CLPB: variants seen among roughly 807,000 people sequenced by gnomAD.
The protein encoded by CLPB is ClpB family mitochondrial disaggregase.
In CLPB, 40 loss-of-function variants were observed where a neutral mutation model predicts 78.4. That is an observed-to-expected ratio of 0.51 (90% CI 0.40 to 0.66). CLPB has a LOEUF of 0.66. Among genes scored for constraint, CLPB ranks in the 30% least tolerant of loss-of-function variants. The probability of loss-of-function intolerance (pLI) is 0.00; values close to 1 mark genes in which losing one functional copy is unlikely to be tolerated. For synonymous variants in CLPB, 333 were observed against 348.0 expected, an observed-to-expected ratio of 0.96 and a Z score of 0.48; for missense variants, 780 against 886.9, an observed-to-expected ratio of 0.88 and a Z score of 1.53.
At chr11:72,389,515 T>C (rs1004819488) in intron 3 of CLPB, among the ~76,000 whole-genome samples, 4 of 152,060 alleles carry the variant, frequency 2.6e-5, no homozygotes, top group East Asian at 1.9e-4. Flanking sequence ...GTCTTAACAG[T>C]TGGATTAAAG....
intron 4 of CLPB, among the ~76,000 whole-genome samples, chr11:72,372,709 C>T (rs1270580748): frequency 6.6e-6 from 1 of 152,176 alleles, no homozygotes; most frequent in African/African-American, 2.4e-5. Flanking sequence ...TTAACAAGCT[C>T]TCTAGGGGAT....
intron 1 of CLPB, among the ~76,000 whole-genome samples, chr11:72,432,351 T>C (rs1337318809): frequency 6.6e-6 from 1 of 152,196 alleles, no homozygotes; most frequent in Non-Finnish European, 1.5e-5. Context: ...AAAGAGAAGA[T>C]ACATTTCCTG....
Position 72,351,147 on chromosome 11 carries a change from T to C in CLPB, c.775+7733A>G, listed in dbSNP as rs1239892932. 2.0e-5 allele frequency among the ~76,000 whole-genome samples: 3 copies of C among 152,158 alleles called. No homozygotes were observed. The South Asian group carries it at 6.2e-4, about 31-fold the overall frequency. On this transcript the variant is annotated intron_variant, in intron 5 of 15. Coordinates refer to ENST00000538039, the MANE Select transcript of CLPB (RefSeq NM_001258392.3). Reference sequence around the variant, plus strand: ...ATGTTAGAGAAGGGCCATGATTTTATAGAGGAAAAAAGTGATGTTAGAGAA... The same window carrying C: ...ATGTTAGAGAAGGGCCATGATTTTACAGAGGAAAAAAGTGATGTTAGAGAA...
At chr11:72,367,274 G>A (rs945421236) in intron 4 of CLPB, among the ~76,000 whole-genome samples, 19 of 152,184 alleles carry the variant, frequency 1.2e-4, no homozygotes, top group African/African-American at 4.6e-4. Flanking sequence ...AGTGATTCTC[G>A]TGCCTCAGCC....
At chr11:72,370,804 A>G (rs1203196976) in intron 4 of CLPB, among the ~76,000 whole-genome samples, 1 of 152,134 alleles carries the variant, frequency 6.6e-6, no homozygotes, top group Non-Finnish European at 1.5e-5. Flanking sequence ...TATCATCATC[A>G]TCGTCATCTC....
chr11:72,434,508 G>T lies in CLPB; in HGVS notation c.-34C>A. 1.3e-6 allele frequency: 2 copies of T among 1,516,120 alleles called. No homozygotes were observed. Among genetic ancestry groups the T allele is most frequent in the Non-Finnish European group, 1.8e-6 (2 of 1,132,060 alleles). 93.9% of individuals were successfully genotyped at this position (1,516,120 alleles called of 1,614,324 possible). On this transcript the variant is annotated 5_prime_UTR_variant, in exon 1 of 16. Transcript: ENST00000538039. ...CTGCTTCGATAACCCCGTGGTGCCG[G>T]CCCCTGTGCTGACCACGTCCAACAT...
intron 4 of CLPB, among the ~76,000 whole-genome samples, chr11:72,370,785 C>G (rs978485120): frequency 1.3e-5 from 2 of 152,088 alleles, no homozygotes; most frequent in Non-Finnish European, 2.9e-5. Context: ...TATCTGCTAC[C>G]CTTGCAGCTA....
At chr11:72,418,205 G>C (rs1856079856) in intron 2 of CLPB, among the ~76,000 whole-genome samples, 2 of 152,292 alleles carry the variant, frequency 1.3e-5, no homozygotes, top group Admixed American at 1.3e-4. Flanking sequence ...CAACGGGCCA[G>C]ACTCCATCTG....
chr11:72,426,703 C>T (rs1053834757), intron 2 of CLPB, among the ~76,000 whole-genome samples: 12 of 152,302 alleles, frequency 7.9e-5, no homozygotes, highest in Admixed American at 2.6e-4. Flanking sequence ...AAGTAAGTGC[C>T]GCTGTGCTGT....
intron 9 of CLPB, chr11:72,302,748 A>AC (rs1466392984): frequency 1.2e-5 from 3 of 253,588 alleles, no homozygotes; most frequent in African/African-American, 4.4e-5. Context: ...CTTAAGAAGC[A>AC]CCCCATCGAA....
At position 72,287,469 on chromosome 11, in the gene CLPB, T is replaced by G. The variant is rs889505993; in HGVS notation, c.*5898A>C. ...TGTTGACTACAGGCAAGCACCATCATGCCTGGCTAATTTTGGTATTTTTAG... is the reference window on the plus strand; with the variant it reads ...TGTTGACTACAGGCAAGCACCATCAGGCCTGGCTAATTTTGGTATTTTTAG... On this transcript the variant is annotated 3_prime_UTR_variant, in exon 16 of 16. Coordinates refer to ENST00000538039, the MANE Select transcript of CLPB (RefSeq NM_001258392.3). The G allele has an allele frequency of 9.8e-5, 15 of 152,326 alleles. No homozygotes were observed. The highest frequency in any genetic ancestry group is 3.4e-4 in the African/African-American group (14 of 41,566). 9.4% of individuals were successfully genotyped at this position (152,326 alleles called of 1,614,324 possible). A position where few individuals can be genotyped will look rare whatever the true frequency, so the allele number is the denominator to read the frequency against.
chr11:72,367,982 A>AT (rs1354884554), intron 4 of CLPB, among the ~76,000 whole-genome samples: 1 of 152,216 alleles, frequency 6.6e-6, no homozygotes, highest in Admixed American at 6.5e-5. Context: ...TAGGTTAAAA[A>AT]ATATATGTAA....
chr11:72,399,020 A>G (rs1855489320), intron 3 of CLPB, among the ~76,000 whole-genome samples: 1 of 151,622 alleles, frequency 6.6e-6, no homozygotes, highest in Non-Finnish European at 1.5e-5. Flanking sequence ...CAGAGTTTTT[A>G]AATATGTTTG....
intron 3 of CLPB, among the ~76,000 whole-genome samples, chr11:72,400,115 A>G (rs1855518398): frequency 6.6e-6 from 1 of 152,154 alleles, no homozygotes; most frequent in Non-Finnish European, 1.5e-5. Flanking sequence ...ATCTTTCTCT[A>G]CCAAAGGACC....
chr11:72,390,968 CGAT>C (rs1378531872), intron 3 of CLPB, among the ~76,000 whole-genome samples: 1 of 152,104 alleles, frequency 6.6e-6, no homozygotes, highest in Non-Finnish European at 1.5e-5. Flanking sequence ...CTATGAAACA[CGAT>C]GCAGTAGTTA....
In CLPB at chr11:72,290,492, A is replaced by T. The variant is rs1949438248; in HGVS notation, c.*2875T>A. The T allele has an allele frequency of 6.6e-6, 1 of 152,262 alleles. No individual in the cohort carries two copies. Among genetic ancestry groups the T allele is most frequent in the African/African-American group, 2.4e-5 (1 of 41,478 alleles). The allele number at this position is 152,262 out of a possible 1,614,324, so 9.4% of individuals were successfully genotyped here. On this transcript the variant is annotated 3_prime_UTR_variant, in exon 16 of 16. Coordinates refer to ENST00000538039, the MANE Select transcript of CLPB (RefSeq NM_001258392.3). ...ACATTAATACCTGTTATAAGCAAGA[A>T]TCATTGATGATGGAAATGAAAATCA...
intron 2 of CLPB, among the ~76,000 whole-genome samples, chr11:72,426,021 G>A (rs1208549821): frequency 1.3e-5 from 2 of 152,032 alleles, no homozygotes; most frequent in African/African-American, 4.8e-5. Flanking sequence ...AGTGTTCCCT[G>A]TGCCAAGCAG....
chr11:72,423,145 T>C (rs1856260476), intron 2 of CLPB, among the ~76,000 whole-genome samples: 1 of 152,204 alleles, frequency 6.6e-6, no homozygotes, highest in African/African-American at 2.4e-5. Flanking sequence ...CAAAAGAATC[T>C]CCTAAATGAT....
rs114005390 is a variant in CLPB, at chr11:72,337,295, G to A, written c.776-7491C>T. 4.3e-3 allele frequency among the ~76,000 whole-genome samples: 331 copies of A among 76,494 alleles called. 1 individual carries two copies. Among genetic ancestry groups the A allele is most frequent in the African/African-American group, 0.016 (311 of 19,278 alleles). 50.2% of individuals were successfully genotyped at this position (76,494 alleles called of 152,430 possible). ...CATTCACACTTGCAGATATGCCCCC[G>A]CCCCCCTGCCCCTGTAATGAAAAAT... is the stretch of plus-strand genomic sequence containing the variant. On this transcript the variant is annotated intron_variant, in intron 5 of 15. Transcript: ENST00000538039.
Sources: gnomAD v4.1 joint callset for allele counts (sites outside exome capture counted in the v4.1 genomes callset) on GRCh38, gnomAD v4.1.1 for gene constraint, MANE v1.5 for transcripts, NCBI Gene and HGNC (gene_info 2026-07-23, HGNC 2026-07-21) for gene names.